The following IGF1R variants were observed in gnomAD, a reference collection of about 807,000 sequenced individuals.
IGF1R encodes insulin like growth factor 1 receptor.
A neutral mutation model predicts 144.6 loss-of-function variants in IGF1R; 44 were observed. That is an observed-to-expected ratio of 0.30 (90% CI 0.24 to 0.39). The LOEUF (loss-of-function observed/expected upper bound fraction) is 0.39, where lower values mean the gene tolerates loss of function less well. Ranked by LOEUF, IGF1R falls within the 10% of genes least tolerant of loss-of-function variation. IGF1R has a pLI of 1.00. For missense variants in IGF1R, 1,355 were observed against 1,833.7 expected (o/e 0.74, Z 4.77); for synonymous variants, 795 against 722.8 (o/e 1.10, Z -1.60).
At chr15:98,676,914 A>C (rs1240985146) in intron 1 of IGF1R, among the ~76,000 whole-genome samples, 1 of 152,022 alleles carries the variant, frequency 6.6e-6, no homozygotes, top group African/African-American at 2.4e-5. Context: ...TTATATTTTT[A>C]AATTTTTTTT....
intron 2 of IGF1R, among the ~76,000 whole-genome samples, chr15:98,817,907 A>G (rs1012414285): frequency 1.3e-5 from 2 of 152,082 alleles, no homozygotes; most frequent in African/African-American, 4.8e-5. Context: ...CTCCAGCGTC[A>G]TGGTTGGAGA....
At chr15:98,676,226 C>T (rs1490806599) in intron 1 of IGF1R, among the ~76,000 whole-genome samples, 1 of 152,096 alleles carries the variant, frequency 6.6e-6, no homozygotes, top group Non-Finnish European at 1.5e-5. Flanking sequence ...CTGCAACCTC[C>T]ACCTCCCGGG....
At chr15:98,877,513 T>TCC (rs1555455926) in intron 2 of IGF1R, among the ~76,000 whole-genome samples, 16 of 111,430 alleles carry the variant, frequency 1.4e-4, no homozygotes, top group Admixed American at 3.2e-4. Flanking sequence ...TTTTTTTTTT[T>TCC]CCCCAAAAAA....
intron 2 of IGF1R, among the ~76,000 whole-genome samples, chr15:98,874,288 G>A (rs2012938041): frequency 6.6e-6 from 1 of 152,138 alleles, no homozygotes; most frequent in Non-Finnish European, 1.5e-5. Context: ...TAAGGAGAGT[G>A]CAGTTGGGGA....
rs780543830 is a variant in IGF1R at position 98,916,885 on chromosome 15, C to T, written c.2201+9C>T. ...TCCATCTTCGTGCCCAGGTACCCAG[C>T]TCATGTGAAATTTCAGTTGGCAAAA... On this transcript the variant is annotated intron_variant, in intron 10 of 20. Coordinates refer to ENST00000650285, the MANE Select transcript of IGF1R (RefSeq NM_000875.5). 6.8e-6 allele frequency: 11 copies of T among 1,613,510 alleles called. No individual in the cohort carries two copies. In the South Asian group the frequency reaches 1.2e-4, roughly 18 times the overall value.
intron 2 of IGF1R, among the ~76,000 whole-genome samples, chr15:98,786,871 T>G (rs2056010870): frequency 6.6e-6 from 1 of 152,190 alleles, no homozygotes; most frequent in Admixed American, 6.5e-5. Flanking sequence ...TTCCCCACTT[T>G]GTTGCCGTCC....
intron 2 of IGF1R, among the ~76,000 whole-genome samples, chr15:98,782,917 G>A (rs1485874800): frequency 6.6e-6 from 1 of 152,184 alleles, no homozygotes; most frequent in African/African-American, 2.4e-5. Context: ...TTAAAGATAG[G>A]ATTTCTAAAT....
intron 2 of IGF1R, among the ~76,000 whole-genome samples, chr15:98,854,280 C>G (rs1051360295): frequency 1.3e-5 from 2 of 152,170 alleles, no homozygotes; most frequent in African/African-American, 4.8e-5. Context: ...GATGTGTGCT[C>G]CGGCTTCTCT....
At chr15:98,798,462 C>T (rs980945134) in intron 2 of IGF1R, among the ~76,000 whole-genome samples, 1 of 151,992 alleles carries the variant, frequency 6.6e-6, no homozygotes, top group Admixed American at 6.5e-5. Context: ...TGTACGTTAA[C>T]AGGACCATGC....
intron 2 of IGF1R, among the ~76,000 whole-genome samples, chr15:98,726,523 A>G (rs924199890): frequency 6.6e-6 from 1 of 151,980 alleles, no homozygotes; most frequent in African/African-American, 2.4e-5. Flanking sequence ...CTCCCTTCCT[A>G]CCACCTTTAT....
intron 6 of IGF1R, among the ~76,000 whole-genome samples, chr15:98,910,147 C>T (rs1273499708): frequency 6.6e-6 from 1 of 152,126 alleles, no homozygotes; most frequent in Non-Finnish European, 1.5e-5. Context: ...GAGGGAAGCA[C>T]GCTGACTGAC....
chr15:98,931,050 C>T (rs115497858), intron 15 of IGF1R, among the ~76,000 whole-genome samples: 68 of 152,212 alleles, frequency 4.5e-4, no homozygotes, highest in African/African-American at 1.6e-3. Context: ...TTTCTTAAAC[C>T]CCTGCAATGT....
chr15:98,784,655 CA>C (rs2055945668), intron 2 of IGF1R, among the ~76,000 whole-genome samples: 1 of 152,094 alleles, frequency 6.6e-6, no homozygotes, highest in Admixed American at 6.5e-5. Context: ...TTGTCTCCTT[CA>C]GTTCTACATC....
At chr15:98,934,331 G>A (rs2016060897) in intron 15 of IGF1R, among the ~76,000 whole-genome samples, 1 of 152,038 alleles carries the variant, frequency 6.6e-6, no homozygotes. Context: ...TGTGACTCTG[G>A]CCTTTTTCCC....
chr15:98,768,543 A>G (rs549799970), intron 2 of IGF1R, among the ~76,000 whole-genome samples: 38 of 150,358 alleles, frequency 2.5e-4, no homozygotes, highest in African/African-American at 8.8e-4. Context: ...TTAACCAGAG[A>G]GTTGGAGGTT....
chr15:98,717,945 A>G (rs575275570), intron 2 of IGF1R, among the ~76,000 whole-genome samples: 1 of 152,158 alleles, frequency 6.6e-6, no homozygotes, highest in African/African-American at 2.4e-5. Flanking sequence ...AACGCTAGGT[A>G]TATGTGTGCA....
chr15:98,934,951 C>T lies in IGF1R; in HGVS notation c.3084C>T (p.Thr1028=), dbSNP rs762277381. The T allele has an allele frequency of 6.2e-7, 1 of 1,614,080 alleles. No individual in the cohort carries two copies. Among genetic ancestry groups the T allele is most frequent in the Non-Finnish European group, 8.5e-7 (1 of 1,180,022 alleles). Residue 1028 remains threonine, a synonymous_variant, in exon 16 of 21, where the codon ACC becomes ACT. Coordinates refer to ENST00000650285, the MANE Select transcript of IGF1R (RefSeq NM_000875.5). The part of the protein sequence containing the change: ...AKGVVKDEPE[T]RVAIKTVNEA... The stretch of plus-strand genomic sequence containing the variant: ...GTGTGGTGAAAGATGAACCTGAAAC[C>T]AGAGTGGCCATTAAAACAGTGAACG...
At chr15:98,868,824 C>T (rs1165865662) in intron 2 of IGF1R, among the ~76,000 whole-genome samples, 3 of 152,178 alleles carry the variant, frequency 2.0e-5, no homozygotes, top group Non-Finnish European at 2.9e-5. Context: ...TAGGTACCTT[C>T]CTACTACTAC....
intron 15 of IGF1R, among the ~76,000 whole-genome samples, chr15:98,933,975 G>GTT (rs1355685238): frequency 6.6e-6 from 1 of 152,086 alleles, no homozygotes; most frequent in Non-Finnish European, 1.5e-5. Context: ...TCTAGTAGCC[G>GTT]TATTTTTTAA....
Sources: allele counts gnomAD v4.1 joint callset (sites outside exome capture counted in the v4.1 genomes callset), GRCh38; gene constraint gnomAD v4.1.1; transcripts MANE v1.5; gene names NCBI Gene and HGNC (gene_info 2026-07-23, HGNC 2026-07-21).